Variants in RBM33 observed in about 807,000 individuals in gnomAD.
The protein encoded by RBM33 is RNA-binding protein 33.
In RBM33, 28 loss-of-function variants were observed where a neutral mutation model predicts 132.6. The observed-to-expected ratio is 0.21, with a 90% CI of 0.16 to 0.29. The LOEUF (loss-of-function observed/expected upper bound fraction) is 0.29. RBM33 is among the 10% of genes least tolerant of loss of function. The pLI is 1.00. For synonymous variants in RBM33, 634 were observed against 593.0 expected, an observed-to-expected ratio of 1.07 and a Z score of -1.01; for missense variants, 1,291 against 1,518.5, an observed-to-expected ratio of 0.85 and a Z score of 2.49.
chr7:155,678,501 C>T lies in RBM33; in HGVS notation c.172-107C>T. On this transcript the variant is annotated intron_variant, in intron 3 of 17. Coordinates refer to ENST00000401878, the MANE Select transcript of RBM33 (RefSeq NM_053043.3). The stretch of plus-strand genomic sequence containing the variant: ...ACCAGAAAGCCTTCCGGGTGGCAAA[C>T]GTTTTAATATAAGGCTAGGAACAAT... The T allele has an allele frequency of 8.7e-6, 6 of 689,896 alleles. No individual in the cohort carries two copies. The Admixed American group carries it at 9.6e-5, about 11-fold the overall frequency. The allele number at this position is 689,896 out of a possible 1,614,324, so 42.7% of individuals were successfully genotyped here. A position where few individuals can be genotyped will look rare whatever the true frequency, so the allele number is the denominator to read the frequency against.
intron 8 of RBM33, among the ~76,000 whole-genome samples, chr7:155,717,852 C>G (rs890792249): frequency 6.6e-6 from 1 of 152,094 alleles, no homozygotes; most frequent in African/African-American, 2.4e-5. Flanking sequence ...AACTAAAAGC[C>G]TTGGCATAGG....
intron 3 of RBM33, among the ~76,000 whole-genome samples, chr7:155,677,309 A>G (rs931710018): frequency 2.6e-5 from 4 of 151,588 alleles, no homozygotes; most frequent in African/African-American, 4.9e-5. Flanking sequence ...TCCGATTTCA[A>G]GCAATTCTCC....
intron 9 of RBM33, among the ~76,000 whole-genome samples, chr7:155,732,964 AG>A (rs1800999967): frequency 6.6e-6 from 1 of 152,200 alleles, no homozygotes; most frequent in African/African-American, 2.4e-5. Flanking sequence ...GCCTGGCCAC[AG>A]GGGTAGAGGA....
chr7:155,765,865 T>C (rs1802198670), intron 15 of RBM33, among the ~76,000 whole-genome samples: 1 of 152,158 alleles, frequency 6.6e-6, no homozygotes, highest in African/African-American at 2.4e-5. Context: ...TCAGTCACAA[T>C]TGTGTTTTGT....
chr7:155,673,745 C>T lies in RBM33; in HGVS notation c.171+830C>T, dbSNP rs561012811. Among the ~76,000 whole-genome samples, 42 of 132,502 alleles carry T rather than the reference C, an allele frequency of 3.2e-4. 1 individual carries two copies. Among genetic ancestry groups the T allele is most frequent in the African/African-American group, 1.0e-3 (36 of 35,640 alleles). 86.9% of individuals were successfully genotyped at this position (132,502 alleles called of 152,430 possible). A position where few individuals can be genotyped will look rare whatever the true frequency, so the allele number is the denominator to read the frequency against. On this transcript the variant is annotated intron_variant, in intron 3 of 17. Transcript: ENST00000401878. ...ATACACACACATATATACATACACA[C>T]GTGTATATACGCGCGCATGCGCGCA...
In RBM33 at chr7:155,685,586, G is replaced by A. The variant is rs753526897; in HGVS notation, c.567+4678G>A. 3.9e-5 allele frequency among the ~76,000 whole-genome samples: 6 copies of A among 152,190 alleles called. No homozygotes were observed. In the South Asian group the frequency reaches 6.2e-4, roughly 16 times the overall value. ...GCTAGGAGCTCACCGAGGAAACCCC[G>A]TGGGGAGAGAGGTTCGTGGTCGACG... is the stretch of plus-strand genomic sequence containing the variant. On this transcript the variant is annotated intron_variant, in intron 5 of 17. Transcript: ENST00000401878.
At chr7:155,706,529 C>T (rs1032083044) in intron 6 of RBM33, among the ~76,000 whole-genome samples, 10 of 151,984 alleles carry the variant, frequency 6.6e-5, no homozygotes, top group African/African-American at 9.7e-5. Flanking sequence ...AATGCCTTGT[C>T]GTGTGAGGGC....
At chr7:155,694,225 C>T (rs1412318338) in intron 5 of RBM33, among the ~76,000 whole-genome samples, 1 of 152,036 alleles carries the variant, frequency 6.6e-6, no homozygotes, top group Non-Finnish European at 1.5e-5. Context: ...AATGTTCTTC[C>T]TTGGTTCATA....
chr7:155,673,791 C>CACACAA (rs1799072848), intron 3 of RBM33, among the ~76,000 whole-genome samples: 2 of 144,620 alleles, frequency 1.4e-5, no homozygotes, highest in Admixed American at 1.3e-4. Context: ...CACACACACA[C>CACACAA]ACACACACAC....
chr7:155,673,940 G>GTTTTTTTTTTTTTTTTTTTTTTTTTTTTT (rs71186053), intron 3 of RBM33, among the ~76,000 whole-genome samples: 4 of 54,196 alleles, frequency 7.4e-5, no homozygotes, highest in Admixed American at 2.6e-4. Context: ...TTTAGGCTTA[G>GTTTTTTTTTTTTTTTTTTTTTTTTTTTTT]TTTTTTTTTT....
At chr7:155,752,209 T>C (rs1801706858) in intron 14 of RBM33, among the ~76,000 whole-genome samples, 1 of 152,210 alleles carries the variant, frequency 6.6e-6, no homozygotes, top group Admixed American at 6.5e-5. Context: ...TTGGTCCTGC[T>C]TCTTGGAAGC....
intron 9 of RBM33, among the ~76,000 whole-genome samples, chr7:155,735,469 CTGAGGTGGAAGAATCATT>C (rs1801087682): frequency 6.6e-6 from 1 of 152,190 alleles, no homozygotes; most frequent in African/African-American, 2.4e-5. Flanking sequence ...CTTTAGGAGG[CTGAGGTGGAAGAATCATT>C]TGAGCCCAGG....
chr7:155,683,871 G>A (rs1056548365), intron 5 of RBM33, among the ~76,000 whole-genome samples: 1 of 152,086 alleles, frequency 6.6e-6, no homozygotes, highest in African/African-American at 2.4e-5. Context: ...TTATGTCATG[G>A]GTAGCAGATG....
chr7:155,683,670 G>T (rs1799397013), intron 5 of RBM33, among the ~76,000 whole-genome samples: 2 of 152,208 alleles, frequency 1.3e-5, no homozygotes, highest in South Asian at 4.1e-4. Context: ...GTTCTTGAGA[G>T]TGAATTGTGA....
chr7:155,673,940 G>GTTGTTTTTTGTT, intron 3 of RBM33, among the ~76,000 whole-genome samples: 15 of 54,196 alleles, frequency 2.8e-4, no homozygotes, highest in African/African-American at 1.2e-3. Flanking sequence ...TTTAGGCTTA[G>GTTGTTTTTTGTT]TTTTTTTTTT....
At chr7:155,714,465 A>G (rs1324754909) in intron 8 of RBM33, among the ~76,000 whole-genome samples, 1 of 152,142 alleles carries the variant, frequency 6.6e-6, no homozygotes, top group Non-Finnish European at 1.5e-5. Flanking sequence ...GATCTGAGGC[A>G]GGGCACGGCA....
chr7:155,770,187 C>G (rs969361409), intron 16 of RBM33, among the ~76,000 whole-genome samples: 2 of 152,218 alleles, frequency 1.3e-5, no homozygotes, highest in Non-Finnish European at 2.9e-5. Context: ...CAGGAAGACC[C>G]AGCATGTTAT....
At chr7:155,653,412 C>T (rs1032243007) in intron 1 of RBM33, among the ~76,000 whole-genome samples, 5 of 151,498 alleles carry the variant, frequency 3.3e-5, no homozygotes, top group Admixed American at 6.6e-5. Flanking sequence ...CAGGTTCCCT[C>T]GGCAGAACTT....
At chr7:155,657,246 T>C (rs564900929) in intron 1 of RBM33, among the ~76,000 whole-genome samples, 23 of 152,318 alleles carry the variant, frequency 1.5e-4, no homozygotes, top group South Asian at 1.4e-3. Context: ...TTCCGGAAAG[T>C]GCTACGTAGC....
Sources: allele counts gnomAD v4.1 joint callset (sites outside exome capture counted in the v4.1 genomes callset), GRCh38; gene constraint gnomAD v4.1.1; transcripts MANE v1.5; gene names NCBI Gene and HGNC (gene_info 2026-07-23, HGNC 2026-07-21).